MYO3B: variants seen among roughly 807,000 people sequenced by gnomAD.
MYO3B encodes the protein myosin-IIIb.
A neutral mutation model predicts 174.6 loss-of-function variants in MYO3B; 156 were observed. The ratio of observed to expected loss-of-function variants is 0.89; its 90% CI spans 0.78 to 1.02. MYO3B has a LOEUF of 1.02. Ranked by LOEUF, MYO3B falls within the 50% of genes least tolerant of loss-of-function variation. MYO3B has a pLI of 0.00. For synonymous variants in MYO3B, 563 were observed against 569.1 expected, an observed-to-expected ratio of 0.99 and a Z score of 0.15; for missense variants, 1,632 against 1,639.4, an observed-to-expected ratio of 1.00 and a Z score of 0.08.
At chr2:170,485,872 T>A (rs1686018461) in intron 25 of MYO3B, among the ~76,000 whole-genome samples, 1 of 152,190 alleles carries the variant, frequency 6.6e-6, no homozygotes, top group Non-Finnish European at 1.5e-5. Flanking sequence ...AGTCACTTAA[T>A]TTCCCTGGGA....
chr2:170,372,528 A>G (rs1189048217), intron 9 of MYO3B, among the ~76,000 whole-genome samples: 1 of 152,204 alleles, frequency 6.6e-6, no homozygotes, highest in Non-Finnish European at 1.5e-5. Flanking sequence ...TTCATTCAAG[A>G]GGCATTTATA....
intron 25 of MYO3B, among the ~76,000 whole-genome samples, chr2:170,487,554 G>A (rs572426428): frequency 1.3e-5 from 2 of 152,328 alleles, no homozygotes; most frequent in South Asian, 2.1e-4. Flanking sequence ...ACTCTACAGA[G>A]TGAATGATCC....
intron 6 of MYO3B, among the ~76,000 whole-genome samples, chr2:170,220,750 C>T (rs1037786564): frequency 6.6e-6 from 1 of 151,990 alleles, no homozygotes; most frequent in African/African-American, 2.4e-5. Context: ...AGCACTGCAT[C>T]CTGCCTGTTG....
At chr2:170,195,099 A>G (rs1302499252) in intron 1 of MYO3B, among the ~76,000 whole-genome samples, 2 of 151,934 alleles carry the variant, frequency 1.3e-5, no homozygotes, top group Non-Finnish European at 2.9e-5. Flanking sequence ...CTCAAATGTT[A>G]ATCTCCTTTT....
At chr2:170,312,137 C>T (rs2093744326) in intron 7 of MYO3B, among the ~76,000 whole-genome samples, 1 of 152,250 alleles carries the variant, frequency 6.6e-6, no homozygotes. Context: ...CTACCACTCA[C>T]AGAACCAAGT....
intron 32 of MYO3B, among the ~76,000 whole-genome samples, chr2:170,581,906 G>T (rs1454359484): frequency 6.6e-6 from 1 of 152,122 alleles, no homozygotes; most frequent in Non-Finnish European, 1.5e-5. Context: ...TAAAAAATGT[G>T]CAATGGAAAG....
chr2:170,388,245 C>T (rs963382284), intron 14 of MYO3B, among the ~76,000 whole-genome samples: 13 of 151,902 alleles, frequency 8.6e-5, no homozygotes, highest in East Asian at 5.8e-4. Context: ...TTAGAGTATG[C>T]GGTATATGAG....
chr2:170,591,557 G>C (rs1012681360), intron 32 of MYO3B, among the ~76,000 whole-genome samples: 1 of 151,690 alleles, frequency 6.6e-6, no homozygotes, highest in Non-Finnish European at 1.5e-5. Context: ...TGTAGAAAGG[G>C]AGGGTGCAGC....
rs139124556 is a variant in MYO3B at position 170,449,737 on chromosome 2, G to A, written c.2730+5691G>A. On this transcript the variant is annotated intron_variant, in intron 23 of 34. Coordinates refer to ENST00000408978, the MANE Select transcript of MYO3B (RefSeq NM_138995.5). ...GGCTGCGGTGAGCTGAGATCGCGCC[G>A]TTGCACTCCAGCCTGGGTGACAAGA... Among the ~76,000 whole-genome samples the A allele has an allele frequency of 5.6e-3, 855 of 151,354 alleles. 7 individuals are homozygous for A. Among genetic ancestry groups the A allele is most frequent in the Non-Finnish European group, 7.8e-3 (531 of 67,856 alleles).
At chr2:170,633,422 G>A (rs549324521) in intron 32 of MYO3B, among the ~76,000 whole-genome samples, 12 of 151,978 alleles carry the variant, frequency 7.9e-5, no homozygotes, top group South Asian at 2.1e-4. Flanking sequence ...ATTCAACAGC[G>A]CTTCATGCTA....
intron 23 of MYO3B, among the ~76,000 whole-genome samples, chr2:170,462,129 TCTTTC>T (rs1684332375): frequency 1.3e-5 from 2 of 152,322 alleles, no homozygotes; most frequent in Middle Eastern, 6.8e-3. Flanking sequence ...AAACCCAGGA[TCTTTC>T]CTTTCCTCCT....
intron 7 of MYO3B, among the ~76,000 whole-genome samples, chr2:170,245,676 T>C (rs2093181677): frequency 6.6e-6 from 1 of 152,246 alleles, no homozygotes; most frequent in Non-Finnish European, 1.5e-5. Flanking sequence ...ACAGGGCTTA[T>C]GTAAAGTTTT....
intron 9 of MYO3B, among the ~76,000 whole-genome samples, chr2:170,372,889 C>G (rs2094259315): frequency 6.6e-6 from 1 of 152,042 alleles, no homozygotes; most frequent in South Asian, 2.1e-4. Flanking sequence ...GGCACAAGGG[C>G]TAGAGAGAGC....
chr2:170,559,390 A>C (rs1278663412), intron 32 of MYO3B, among the ~76,000 whole-genome samples: 1 of 152,178 alleles, frequency 6.6e-6, no homozygotes, highest in African/African-American at 2.4e-5. Flanking sequence ...CATTATATCC[A>C]AGTTGTTTGA....
intron 32 of MYO3B, among the ~76,000 whole-genome samples, chr2:170,593,535 C>T (rs1271265468): frequency 6.6e-6 from 1 of 152,246 alleles, no homozygotes; most frequent in Non-Finnish European, 1.5e-5. Context: ...AGAAAAGCTA[C>T]ATCACCAAGC....
intron 8 of MYO3B, chr2:170,344,625 T>C (rs1487349885): frequency 2.0e-5 from 3 of 152,100 alleles, no homozygotes; most frequent in Non-Finnish European, 4.4e-5. Flanking sequence ...TGGGGCTCTA[T>C]CCCTAAGTAA....
At chr2:170,379,568 T>C (rs2094320930) in intron 9 of MYO3B, among the ~76,000 whole-genome samples, 1 of 152,230 alleles carries the variant, frequency 6.6e-6, no homozygotes, top group Non-Finnish European at 1.5e-5. Flanking sequence ...ATCGGAAATA[T>C]GTATCCTCCT....
intron 32 of MYO3B, among the ~76,000 whole-genome samples, chr2:170,627,617 G>A (rs1381486427): frequency 1.3e-5 from 2 of 152,204 alleles, no homozygotes; most frequent in East Asian, 1.9e-4. Flanking sequence ...TTTGGAAGAG[G>A]AGAGGCGCTC....
intron 1 of MYO3B, among the ~76,000 whole-genome samples, chr2:170,178,944 G>A (rs1387875886): frequency 6.6e-6 from 1 of 152,150 alleles, no homozygotes; most frequent in African/African-American, 2.4e-5. Context: ...ATTATGCCAT[G>A]ATTCTTTTCT....
Sources: allele counts gnomAD v4.1 joint callset (sites outside exome capture counted in the v4.1 genomes callset), GRCh38; gene constraint gnomAD v4.1.1; transcripts MANE v1.5; gene names NCBI Gene and HGNC (gene_info 2026-07-23, HGNC 2026-07-21).